The following PELI2 variants were observed in gnomAD, a reference collection of about 807,000 sequenced individuals.
The protein encoded by PELI2 is E3 ubiquitin-protein ligase pellino homolog 2.
Under a neutral mutation model 42.3 loss-of-function variants are expected in PELI2, and 23 were observed. The observed-to-expected ratio is 0.54, with a 90% CI of 0.39 to 0.77. The LOEUF is 0.77. Ranked by LOEUF, PELI2 falls within the 30% of genes least tolerant of loss-of-function variation. The probability of loss-of-function intolerance (pLI) is 0.00; values close to 1 mark genes in which losing one functional copy is unlikely to be tolerated. For synonymous variants in PELI2, 245 were observed against 212.2 expected, an observed-to-expected ratio of 1.15 and a Z score of -1.34; for missense variants, 463 against 553.2, an observed-to-expected ratio of 0.84 and a Z score of 1.64.
Position 56,288,588 on chromosome 14 carries a change from G to T in PELI2, c.461G>T (p.Arg154Leu). 2 of 1,613,938 alleles carry T rather than the reference G, an allele frequency of 1.2e-6. No homozygotes were observed. The highest frequency in any genetic ancestry group is 2.7e-5 in the African/African-American group (2 of 75,012). ...VCDRNEPYTA[R>L]IFAAGFDSSK... ...GACAGGAATGAACCTTACACAGCAC[G>T]GATATTCGCCGCCGGATTTGACTCT... The change falls in exon 4 of 6, where the codon CGG becomes CTG. Residue 154 changes from arginine (R) to leucine (L), a missense_variant. Physicochemically the swap from Arg to Leu is moderately radical, Grantham distance 102. This residue lies in a region of PELI2 where 343 missense variants were observed against 378.4 expected (regional missense o/e 0.91). Coordinates refer to ENST00000267460, the MANE Select transcript of PELI2 (RefSeq NM_021255.3). The surrounding 1 kb of genome is among the most constrained non-coding windows in gnomAD (Gnocchi z 4.6).
chr14:56,241,555 T>TG (rs536859834), intron 2 of PELI2, among the ~76,000 whole-genome samples: 218 of 152,154 alleles, frequency 1.4e-3, no homozygotes, highest in African/African-American at 5.0e-3. Flanking sequence ...GCACAGGAGT[T>TG]GGGGGGAAGC....
At chr14:56,205,790 C>A (rs144096326) in intron 2 of PELI2, among the ~76,000 whole-genome samples, 4 of 152,078 alleles carry the variant, frequency 2.6e-5, no homozygotes, top group Admixed American at 2.6e-4. Context: ...GGGTTGCCTC[C>A]GTCACACACA....
At chr14:56,210,761 A>G (rs1373968357) in intron 2 of PELI2, among the ~76,000 whole-genome samples, 3 of 152,180 alleles carry the variant, frequency 2.0e-5, no homozygotes, top group African/African-American at 7.2e-5. Context: ...TTGAAGTGCT[A>G]GGCAGGCAGT....
At chr14:56,140,828 G>T (rs1275975710) in intron 1 of PELI2, among the ~76,000 whole-genome samples, 1 of 152,196 alleles carries the variant, frequency 6.6e-6, no homozygotes, top group African/African-American at 2.4e-5. Flanking sequence ...GGGTGACTTG[G>T]TATTATGGGA....
rs558436194 is a variant in PELI2 at position 56,257,411 on chromosome 14, TAGG to T, written c.208-22262_208-22260del. On this transcript the variant is annotated intron_variant, in intron 2 of 5. Transcript: ENST00000267460. ...GGTGTTATTTAGTATTTGATGTTAT[TAGG>T]AGCATAATTCGATGGTGAATTAAGT... is the stretch of plus-strand genomic sequence containing the variant. Among the ~76,000 whole-genome samples the T allele has an allele frequency of 2.6e-5, 4 of 152,276 alleles. No homozygotes were observed. The South Asian group carries it at 8.3e-4, about 32-fold the overall frequency.
rs772457528 is a variant in PELI2 at position 56,178,308 on chromosome 14, G to C, written c.78-27G>C. 3 of 1,611,752 alleles carry C rather than the reference G, an allele frequency of 1.9e-6. No homozygotes were observed. In the East Asian group the frequency reaches 6.7e-5, roughly 36 times the overall value. The stretch of plus-strand genomic sequence containing the variant: ...TTAAAGCTTGAAAAATCTGCAGATA[G>C]ATGAACTCTTTCCTCTCTGTTTCTA... On this transcript the variant is annotated intron_variant, in intron 1 of 5. Transcript: ENST00000267460.
At chr14:56,188,141 C>G (rs952567609) in intron 2 of PELI2, among the ~76,000 whole-genome samples, 8 of 152,214 alleles carry the variant, frequency 5.3e-5, no homozygotes, top group African/African-American at 1.9e-4. Context: ...CACAAGTGCT[C>G]TGACGCTGCA....
intron 2 of PELI2, among the ~76,000 whole-genome samples, chr14:56,256,222 G>A (rs1888522378): frequency 6.6e-6 from 1 of 152,024 alleles, no homozygotes; most frequent in South Asian, 2.1e-4. Context: ...GAGCCCAAGA[G>A]TTCGAGACCA....
chr14:56,249,978 G>A (rs1321420553), intron 2 of PELI2, among the ~76,000 whole-genome samples: 1 of 152,198 alleles, frequency 6.6e-6, no homozygotes, highest in Admixed American at 6.5e-5. Flanking sequence ...CACACAGGGA[G>A]CAAGATCAGT....
chr14:56,211,464 G>GT (rs1394806031), intron 2 of PELI2, among the ~76,000 whole-genome samples: 2 of 152,290 alleles, frequency 1.3e-5, no homozygotes, highest in East Asian at 3.9e-4. Context: ...AGGGTGCTCA[G>GT]TGTGCACCTC....
intron 1 of PELI2, among the ~76,000 whole-genome samples, chr14:56,122,775 G>A (rs1595532924): frequency 1.3e-5 from 2 of 152,280 alleles, no homozygotes; most frequent in East Asian, 1.9e-4. Flanking sequence ...ATTCACTTAT[G>A]AGTGTAGGCA....
intron 2 of PELI2, among the ~76,000 whole-genome samples, chr14:56,231,464 C>A (rs1303541134): frequency 6.6e-6 from 1 of 152,242 alleles, no homozygotes; most frequent in African/African-American, 2.4e-5. Flanking sequence ...TCACTCAAAA[C>A]TGCTCAACTA....
intron 2 of PELI2, among the ~76,000 whole-genome samples, chr14:56,194,038 C>T (rs1309225901): frequency 6.6e-6 from 1 of 152,102 alleles, no homozygotes; most frequent in Admixed American, 6.5e-5. Context: ...GAAGTTGATA[C>T]AAGTCTTTTA....
chr14:56,218,300 A>C (rs1886985371), intron 2 of PELI2, among the ~76,000 whole-genome samples: 1 of 152,206 alleles, frequency 6.6e-6, no homozygotes, highest in Admixed American at 6.5e-5. Flanking sequence ...GTCTGTTCTG[A>C]TGTTCAATTA....
intron 2 of PELI2, among the ~76,000 whole-genome samples, chr14:56,238,584 G>C (rs1206304612): frequency 6.6e-6 from 1 of 152,214 alleles, no homozygotes; most frequent in East Asian, 1.9e-4. Flanking sequence ...AACTTTTGTT[G>C]GGTTTCCTGA....
chr14:56,297,101 T>C lies in PELI2; in HGVS notation c.1198T>C (p.Cys400Arg). The change falls in exon 6 of 6, where the codon TGT becomes CGT. Residue 400 changes from cysteine (C) to arginine (R), a missense_variant. Coordinates refer to ENST00000267460, the MANE Select transcript of PELI2 (RefSeq NM_021255.3). Reference sequence around the variant, plus strand: ...TGCATTTCACGCTGCTTGCCCTTTCTGTGCTACACAGCTGGTTGGGGAGCA... The same window carrying C: ...TGCATTTCACGCTGCTTGCCCTTTCCGTGCTACACAGCTGGTTGGGGAGCA... ...THAFHAACPF[C>R]ATQLVGEQNC... 2 of 1,608,634 alleles carry C rather than the reference T, an allele frequency of 1.2e-6. No individual in the cohort carries two copies. The highest frequency in any genetic ancestry group is 1.7e-6 in the Non-Finnish European group (2 of 1,179,970).
chr14:56,146,414 C>T (rs568080907), intron 1 of PELI2, among the ~76,000 whole-genome samples: 3 of 152,146 alleles, frequency 2.0e-5, no homozygotes, highest in Admixed American at 6.5e-5. Flanking sequence ...TCTCCCTTGG[C>T]GATGCATTGG....
At chr14:56,187,317 C>T (rs145295665) in intron 2 of PELI2, among the ~76,000 whole-genome samples, 1 of 152,206 alleles carries the variant, frequency 6.6e-6, no homozygotes, top group African/African-American at 2.4e-5. Context: ...TGGAAGTTGC[C>T]TTGTAGACCT....
At chr14:56,282,458 C>G (rs1889511908) in intron 3 of PELI2, among the ~76,000 whole-genome samples, 2 of 151,874 alleles carry the variant, frequency 1.3e-5, no homozygotes, top group Admixed American at 6.6e-5. Context: ...TAAAAAATCT[C>G]CAAAATGATT....
Sources: gnomAD v4.1 joint callset for allele counts (sites outside exome capture counted in the v4.1 genomes callset) on GRCh38, gnomAD v4.1.1 for gene constraint, gnomAD v4.1.1 regional missense constraint, Gnocchi (gnomAD v3.1) non-coding constraint, MANE v1.5 for transcripts, NCBI Gene and HGNC (gene_info 2026-07-23, HGNC 2026-07-21) for gene names.